The following CADM2 variants were observed in gnomAD, a reference collection of about 807,000 sequenced individuals.
The protein encoded by CADM2 is cell adhesion molecule 2, also known as immunoglobulin superfamily member 4D.
In CADM2, 12 loss-of-function variants were observed where a neutral mutation model predicts 49.8. The ratio of observed to expected loss-of-function variants is 0.24; its 90% CI spans 0.15 to 0.39. The LOEUF (loss-of-function observed/expected upper bound fraction) is 0.39, where lower values mean the gene tolerates loss of function less well. Ranked by LOEUF, CADM2 falls within the 10% of genes least tolerant of loss-of-function variation. The probability of loss-of-function intolerance (pLI) is 1.00; values close to 1 mark genes in which losing one functional copy is unlikely to be tolerated. For synonymous variants in CADM2, 214 were observed against 175.4 expected, an observed-to-expected ratio of 1.22 and a Z score of -1.74; for missense variants, 378 against 492.3, an observed-to-expected ratio of 0.77 and a Z score of 2.20.
intron 1 of CADM2, among the ~76,000 whole-genome samples, chr3:85,265,881 T>C (rs571808191): frequency 1.3e-4 from 20 of 152,066 alleles, no homozygotes; most frequent in African/African-American, 4.6e-4. Context: ...ATAATAAATA[T>C]ATGTTTTTCC....
chr3:85,376,050 A>G (rs940431489), intron 1 of CADM2, among the ~76,000 whole-genome samples: 1 of 152,158 alleles, frequency 6.6e-6, no homozygotes, highest in African/African-American at 2.4e-5. Context: ...ACAATATGAA[A>G]TAAGTACTAT....
At chr3:85,210,674 G>T (rs1162350498) in intron 1 of CADM2, among the ~76,000 whole-genome samples, 1 of 151,944 alleles carries the variant, frequency 6.6e-6, no homozygotes, top group Non-Finnish European at 1.5e-5. Context: ...CGGAGTAGCT[G>T]GGACTGCAGG....
At chr3:86,004,293 C>A (rs562619734) in intron 8 of CADM2, among the ~76,000 whole-genome samples, 2 of 152,304 alleles carry the variant, frequency 1.3e-5, no homozygotes, top group Admixed American at 1.3e-4. Flanking sequence ...ACACTAAAAT[C>A]TGAGATTAAT....
chr3:85,408,010 C>CAAAAAAAAAAAAAAAAAAAAA (rs372349246), intron 1 of CADM2, among the ~76,000 whole-genome samples: 335 of 56,114 alleles, frequency 6.0e-3, no homozygotes, highest in Non-Finnish European at 7.4e-3. Flanking sequence ...AAAACAAAAC[C>CAAAAAAAAAAAAAAAAAAAAA]AAAAAAAAAA....
rs1029594320 is a variant in CADM2, at chr3:85,266,651, A to T, written c.61+306983A>T. On this transcript the variant is annotated intron_variant, in intron 1 of 9. Transcript: ENST00000383699. ...CCTCTGTATATGTCTTGCAATACAT[A>T]GATATCATTTTATTAAGTAGAAATA... is the stretch of plus-strand genomic sequence containing the variant. Among the ~76,000 whole-genome samples, 5 of 151,872 alleles carry T rather than the reference A, an allele frequency of 3.3e-5. No homozygotes were observed. In the Admixed American group the frequency reaches 3.3e-4, roughly 10 times the overall value.
chr3:85,444,563 A>C (rs1214323321), intron 1 of CADM2, among the ~76,000 whole-genome samples: 1 of 152,070 alleles, frequency 6.6e-6, no homozygotes, highest in African/African-American at 2.4e-5. Context: ...ACTCTTTAAA[A>C]TAACATTTTG....
intron 1 of CADM2, among the ~76,000 whole-genome samples, chr3:85,585,674 T>C (rs2062923894): frequency 6.6e-6 from 1 of 152,028 alleles, no homozygotes; most frequent in Non-Finnish European, 1.5e-5. Flanking sequence ...TTTATCAAAA[T>C]TTGCTGTGTA....
chr3:85,321,694 A>G (rs952377575), intron 1 of CADM2, among the ~76,000 whole-genome samples: 2 of 152,164 alleles, frequency 1.3e-5, no homozygotes, highest in East Asian at 1.9e-4. Context: ...TCTGAACCAT[A>G]CTACATATGT....
chr3:85,145,829 A>G (rs1245785272), intron 1 of CADM2, among the ~76,000 whole-genome samples: 3 of 152,178 alleles, frequency 2.0e-5, no homozygotes, highest in Non-Finnish European at 4.4e-5. Flanking sequence ...TTTAATTTAC[A>G]TGGAACATAT....
intron 1 of CADM2, among the ~76,000 whole-genome samples, chr3:85,165,607 G>T (rs539259746): frequency 5.3e-5 from 8 of 151,782 alleles, no homozygotes; most frequent in Admixed American, 2.0e-4. Flanking sequence ...GGATCCCTTT[G>T]CTTTGGTATG....
At chr3:85,001,009 A>T (rs1051688795) in intron 1 of CADM2, among the ~76,000 whole-genome samples, 1 of 152,150 alleles carries the variant, frequency 6.6e-6, no homozygotes, top group African/African-American at 2.4e-5. Context: ...CCTGTTACAC[A>T]AAATGAGAAA....
At chr3:85,986,974 T>A (rs1331823507) in intron 8 of CADM2, among the ~76,000 whole-genome samples, 1 of 152,038 alleles carries the variant, frequency 6.6e-6, no homozygotes, top group East Asian at 1.9e-4. Flanking sequence ...AGTGCTAAAG[T>A]TTTTATTTAT....
At chr3:85,101,344 A>G (rs946022383) in intron 1 of CADM2, among the ~76,000 whole-genome samples, 4 of 152,158 alleles carry the variant, frequency 2.6e-5, no homozygotes, top group African/African-American at 9.7e-5. Context: ...ATAGAATGTT[A>G]TTCTATGTTG....
chr3:85,612,550 C>T lies in CADM2; in HGVS notation c.62-113972C>T, dbSNP rs186931356. On this transcript the variant is annotated intron_variant, in intron 1 of 9. Transcript: ENST00000383699. ...TCATTCATACATACCTTAGCAGTTA[C>T]TTAAATATAGAACTGAAAATATATT... 5.5e-4 allele frequency among the ~76,000 whole-genome samples: 83 copies of T among 151,756 alleles called. 1 individual carries two copies. Among genetic ancestry groups the T allele is most frequent in the Non-Finnish European group, 4.7e-4 (32 of 67,762 alleles).
At chr3:85,735,616 A>G (rs2068101111) in intron 2 of CADM2, among the ~76,000 whole-genome samples, 1 of 152,196 alleles carries the variant, frequency 6.6e-6, no homozygotes, top group South Asian at 2.1e-4. Context: ...TGCTTTTCCA[A>G]GAATCCAGTG....
intron 1 of CADM2, among the ~76,000 whole-genome samples, chr3:84,998,596 T>C (rs2033295906): frequency 6.6e-6 from 1 of 152,166 alleles, no homozygotes; most frequent in African/African-American, 2.4e-5. Flanking sequence ...TTGACCAGCA[T>C]GCAGCTCTGT....
chr3:85,377,075 T>C (rs1897698), intron 1 of CADM2, among the ~76,000 whole-genome samples: 141,100 of 151,992 alleles, frequency 0.93, 65,771 homozygotes, highest in Non-Finnish European at 0.97. Context: ...TTGTTTCTTT[T>C]CTTTCCTTGT....
chr3:85,804,444 C>T (rs895562016), intron 3 of CADM2, among the ~76,000 whole-genome samples: 7 of 152,148 alleles, frequency 4.6e-5, no homozygotes, highest in Admixed American at 1.3e-4. Context: ...TTGTCCCAAG[C>T]AGCAACTATA....
At chr3:85,121,556 A>C (rs1388931107) in intron 1 of CADM2, among the ~76,000 whole-genome samples, 1 of 152,164 alleles carries the variant, frequency 6.6e-6, no homozygotes, top group East Asian at 1.9e-4. Context: ...GTGATCATGA[A>C]ATGCTGACTC....
Sources: allele counts gnomAD v4.1 joint callset (sites outside exome capture counted in the v4.1 genomes callset), GRCh38; gene constraint gnomAD v4.1.1; transcripts MANE v1.5; gene names NCBI Gene and HGNC (gene_info 2026-07-23, HGNC 2026-07-21).